Variants in OR51B5 observed in about 807,000 individuals in gnomAD.
OR51B5 encodes the protein olfactory receptor 51B5.
For synonymous variants in OR51B5, 186 were observed against 144.8 expected (o/e 1.28, Z -2.04); for missense variants, 456 against 374.6 (o/e 1.22, Z -1.79).
At chr11:5,405,575 T>C (rs1850046472) in intron 1 of OR51B5, among the ~76,000 whole-genome samples, 1 of 152,240 alleles carries the variant, frequency 6.6e-6, no homozygotes, top group Admixed American at 6.5e-5. Flanking sequence ...CATTTCACTT[T>C]CTGGAATGTT....
chr11:5,497,545 T>A (rs1403893612), intron 1 of OR51B5, among the ~76,000 whole-genome samples: 1 of 152,222 alleles, frequency 6.6e-6, no homozygotes, highest in Non-Finnish European at 1.5e-5. Flanking sequence ...CACTTGGGAC[T>A]ACCAGGATCT....
chr11:5,449,025 G>A (rs1401486835), intron 1 of OR51B5, among the ~76,000 whole-genome samples: 1 of 152,198 alleles, frequency 6.6e-6, no homozygotes, highest in African/African-American at 2.4e-5. Flanking sequence ...TGATGGGCTT[G>A]GTCATCATCA....
chr11:5,405,433 G>A (rs1850044044), intron 1 of OR51B5, among the ~76,000 whole-genome samples: 1 of 152,022 alleles, frequency 6.6e-6, no homozygotes, highest in Admixed American at 6.6e-5. Flanking sequence ...AGAATTTATT[G>A]AGCATACTCA....
chr11:5,488,188 T>C (rs1851524145), intron 1 of OR51B5, among the ~76,000 whole-genome samples: 1 of 152,188 alleles, frequency 6.6e-6, no homozygotes, highest in South Asian at 2.1e-4. Context: ...AGCAGAATTT[T>C]GTAAGATAGT....
chr11:5,372,126 T>C (rs903675447), intron 1 of OR51B5, among the ~76,000 whole-genome samples: 1 of 152,180 alleles, frequency 6.6e-6, no homozygotes, highest in African/African-American at 2.4e-5. Context: ...TATCACAATA[T>C]CATATACAGA....
At chr11:5,409,653 A>G (rs1340449840) in intron 1 of OR51B5, among the ~76,000 whole-genome samples, 1 of 152,156 alleles carries the variant, frequency 6.6e-6, no homozygotes. Context: ...TTGAAAATAT[A>G]AAGACGTGAA....
intron 1 of OR51B5, among the ~76,000 whole-genome samples, chr11:5,462,970 C>A (rs1590011464): frequency 6.6e-6 from 1 of 152,274 alleles, no homozygotes; most frequent in East Asian, 1.9e-4. Context: ...AAAAATTACC[C>A]TCTGCAGGGA....
intron 1 of OR51B5, among the ~76,000 whole-genome samples, chr11:5,369,078 T>C (rs1027252859): frequency 6.6e-6 from 1 of 152,186 alleles, no homozygotes; most frequent in African/African-American, 2.4e-5. Flanking sequence ...GAATCTGTGA[T>C]AGGGTGGTTG....
chr11:5,467,168 A>G (rs1242657688), intron 1 of OR51B5, among the ~76,000 whole-genome samples: 1 of 152,176 alleles, frequency 6.6e-6, no homozygotes, highest in Non-Finnish European at 1.5e-5. Flanking sequence ...TCTCAAAACC[A>G]TATGCCCAGA....
At chr11:5,488,506 A>G (rs1190422744) in intron 1 of OR51B5, among the ~76,000 whole-genome samples, 2 of 152,226 alleles carry the variant, frequency 1.3e-5, no homozygotes, top group African/African-American at 4.8e-5. Context: ...TGTTCAATAT[A>G]GAAATTAGCA....
At chr11:5,356,480 A>T (rs1469460048) in intron 1 of OR51B5, among the ~76,000 whole-genome samples, 1 of 147,834 alleles carries the variant, frequency 6.8e-6, no homozygotes, top group Non-Finnish European at 1.5e-5. Flanking sequence ...ACTATGTGAA[A>T]AGACCAAATC....
chr11:5,356,178 G>A (rs529669574), intron 1 of OR51B5, among the ~76,000 whole-genome samples: 13 of 152,082 alleles, frequency 8.5e-5, no homozygotes, highest in African/African-American at 2.2e-4. Flanking sequence ...AAACTACTCC[G>A]AGCTAAAGGA....
At chr11:5,368,796 A>T (rs1849411409) in intron 1 of OR51B5, among the ~76,000 whole-genome samples, 1 of 152,214 alleles carries the variant, frequency 6.6e-6, no homozygotes, top group Non-Finnish European at 1.5e-5. Flanking sequence ...CTGAAAGCTT[A>T]CGATGGCTTT....
At chr11:5,432,726 G>A (rs2077894252) in intron 1 of OR51B5, among the ~76,000 whole-genome samples, 1 of 152,130 alleles carries the variant, frequency 6.6e-6, no homozygotes, top group Non-Finnish European at 1.5e-5. Flanking sequence ...AGAGACACTA[G>A]GACCCAGAGA....
intron 1 of OR51B5, chr11:5,385,269 G>A (rs1452373953): frequency 6.6e-6 from 1 of 152,132 alleles, no homozygotes; most frequent in Non-Finnish European, 1.5e-5. Context: ...CTCTTGCTAG[G>A]AGAAATCCCC....
intron 1 of OR51B5, among the ~76,000 whole-genome samples, chr11:5,374,886 C>G (rs2975554): frequency 0.45 from 67,895 of 151,114 alleles, 15,681 homozygotes; most frequent in African/African-American, 0.49. Flanking sequence ...CGGGGAGAAT[C>G]GAACCAAGTT....
At chr11:5,449,821 ATACG>A (rs1257746554) in intron 1 of OR51B5, among the ~76,000 whole-genome samples, 1 of 152,210 alleles carries the variant, frequency 6.6e-6, no homozygotes, top group Non-Finnish European at 1.5e-5. Flanking sequence ...TGATAACAAA[ATACG>A]TAAAAATCTC....
exon 1 of OR51B5, chr11:5,342,742 A>T (rs1239388347): frequency 8.1e-6 from 13 of 1,613,818 alleles, no homozygotes; most frequent in Non-Finnish European, 1.0e-5. Flanking sequence ...GCTTTCCAAA[A>T]CGATGAATCA....
intron 1 of OR51B5, among the ~76,000 whole-genome samples, chr11:5,410,533 G>A (rs1477957997): frequency 1.3e-5 from 2 of 152,082 alleles, no homozygotes; most frequent in African/African-American, 4.8e-5. Flanking sequence ...AGATTATAAT[G>A]AAAGTGAAAA....
Sources: gnomAD v4.1 joint callset for allele counts (sites outside exome capture counted in the v4.1 genomes callset) on GRCh38, gnomAD v4.1.1 for gene constraint, MANE v1.5 for transcripts, NCBI Gene and HGNC (gene_info 2026-07-23, HGNC 2026-07-21) for gene names.